Variants in C10orf90 observed in about 807,000 individuals in gnomAD.
C10orf90 encodes (E2-independent) E3 ubiquitin-conjugating enzyme FATS.
C10orf90 carries 56 observed loss-of-function variants against 62.5 expected under a neutral mutation model. The observed-to-expected ratio is 0.90, with a 90% CI of 0.72 to 1.12. The LOEUF is 1.12. Ranked by LOEUF, C10orf90 falls within the 50% of genes most tolerant of loss-of-function variation. The pLI is 0.00. For synonymous variants in C10orf90, 386 were observed against 340.4 expected (o/e 1.13, Z -1.47); for missense variants, 970 against 880.4 (o/e 1.10, Z -1.29).
intron 2 of C10orf90, among the ~76,000 whole-genome samples, chr10:126,571,155 A>G (rs139627759): frequency 0.022 from 3,420 of 152,366 alleles, 55 homozygotes; most frequent in African/African-American, 0.045. Flanking sequence ...AGATGCAGCC[A>G]GTGAGAGCAA....
chr10:126,561,532 G>A (rs897913801), intron 2 of C10orf90, among the ~76,000 whole-genome samples: 1 of 152,124 alleles, frequency 6.6e-6, no homozygotes, highest in African/African-American at 2.4e-5. Flanking sequence ...TCCCAGAATC[G>A]GGTTGGAGGA....
intron 2 of C10orf90, among the ~76,000 whole-genome samples, chr10:126,529,966 C>A (rs917228638): frequency 2.0e-5 from 3 of 152,094 alleles, no homozygotes; most frequent in South Asian, 4.1e-4. Context: ...AATACATATT[C>A]TGGTTTCAGA....
At chr10:126,583,981 A>T (rs543226628) in intron 2 of C10orf90, among the ~76,000 whole-genome samples, 1 of 152,066 alleles carries the variant, frequency 6.6e-6, no homozygotes, top group Non-Finnish European at 1.5e-5. Flanking sequence ...TTAGCAGGGC[A>T]TGGTGACTCA....
chr10:126,543,738 T>C (rs1163023262), intron 2 of C10orf90, among the ~76,000 whole-genome samples: 3 of 152,236 alleles, frequency 2.0e-5, no homozygotes, highest in Non-Finnish European at 4.4e-5. Context: ...GTGTTTGTTC[T>C]CTGGAAAATA....
At chr10:126,595,183 A>G (rs1177684655) in intron 2 of C10orf90, among the ~76,000 whole-genome samples, 1 of 152,154 alleles carries the variant, frequency 6.6e-6, no homozygotes, top group Non-Finnish European at 1.5e-5. Context: ...CTTAACAGTT[A>G]TTAGCTAGTT....
chr10:126,537,876 T>C (rs1165969550), intron 2 of C10orf90, among the ~76,000 whole-genome samples: 3 of 152,212 alleles, frequency 2.0e-5, no homozygotes, highest in Non-Finnish European at 2.9e-5. Context: ...AAGAGGATTG[T>C]TGCAGGGGTA....
intron 2 of C10orf90, among the ~76,000 whole-genome samples, chr10:126,516,151 G>A (rs765083880): frequency 3.3e-5 from 5 of 152,208 alleles, no homozygotes; most frequent in Non-Finnish European, 5.9e-5. Context: ...GACCTACAGT[G>A]GATGGGCTGT....
intron 2 of C10orf90, among the ~76,000 whole-genome samples, chr10:126,563,117 T>G (rs564941222): frequency 1.3e-5 from 2 of 152,178 alleles, no homozygotes; most frequent in African/African-American, 2.4e-5. Flanking sequence ...GGGGCAAAAT[T>G]CCCCACCCGC....
intron 2 of C10orf90, among the ~76,000 whole-genome samples, chr10:126,547,228 G>T (rs1270202319): frequency 6.6e-6 from 1 of 151,966 alleles, no homozygotes; most frequent in South Asian, 2.1e-4. Flanking sequence ...GACCATCCTG[G>T]CTAACGCGGT....
At chr10:126,670,194 C>T (rs1192459348) in intron 1 of C10orf90, 47 bp downstream of exon 1, 6 of 449,318 alleles carry the variant, frequency 1.3e-5, no homozygotes, top group African/African-American at 8.0e-5. Context: ...GTCCATCTCT[C>T]TCTGAGTCAA....
rs548377937 is a variant in C10orf90, at chr10:126,431,114, C to A, written c.2189-1264G>T. Among the ~76,000 whole-genome samples, 293 of 152,320 alleles carry A rather than the reference C, an allele frequency of 1.9e-3. 2 individuals carry two copies. Among genetic ancestry groups the A allele is most frequent in the Middle Eastern group, 6.8e-3 (2 of 294 alleles). ...GAAAAAGAAATTGGAATATTTCCAACTAAGTGGCTGTATTGACAACTGACC... is the reference window on the plus strand; with the variant it reads ...GAAAAAGAAATTGGAATATTTCCAAATAAGTGGCTGTATTGACAACTGACC... On this transcript the variant is annotated intron_variant, in intron 7 of 9. Transcript: ENST00000488181.
intron 4 of C10orf90, among the ~76,000 whole-genome samples, chr10:126,484,766 C>A (rs1441126577): frequency 6.6e-6 from 1 of 152,058 alleles, no homozygotes; most frequent in Non-Finnish European, 1.5e-5. Context: ...TTTACACATA[C>A]AGATATTAAG....
chr10:126,431,294 C>T (rs1252615329), intron 7 of C10orf90, among the ~76,000 whole-genome samples: 1 of 152,090 alleles, frequency 6.6e-6, no homozygotes, highest in Non-Finnish European at 1.5e-5. Flanking sequence ...GGTCACTCCT[C>T]TCATAGAAAA....
chr10:126,635,619 C>G (rs774169002), intron 2 of C10orf90, among the ~76,000 whole-genome samples: 10 of 152,184 alleles, frequency 6.6e-5, no homozygotes, highest in Non-Finnish European at 1.0e-4. Context: ...AGAAAGCAAT[C>G]AGTGTCACTC....
At chr10:126,632,084 G>A (rs758591495) in intron 2 of C10orf90, among the ~76,000 whole-genome samples, 2 of 152,086 alleles carry the variant, frequency 1.3e-5, no homozygotes, top group Admixed American at 6.5e-5. Context: ...GAATGACCTC[G>A]AAGAGACACC....
chr10:126,500,437 A>G (rs1862310851), intron 4 of C10orf90, among the ~76,000 whole-genome samples: 1 of 152,230 alleles, frequency 6.6e-6, no homozygotes, highest in Non-Finnish European at 1.5e-5. Context: ...TGGTTGAATG[A>G]TTCAAAATAA....
At chr10:126,459,353 C>A in intron 6 of C10orf90, 136 bp from the exon 7 acceptor site, 2 of 940,364 alleles carry the variant, frequency 2.1e-6, no homozygotes, top group South Asian at 2.9e-5. Flanking sequence ...AAGTACGTCA[C>A]GCTTTTCTTG....
chr10:126,569,340 C>A (rs116813406), intron 2 of C10orf90, among the ~76,000 whole-genome samples: 2 of 152,154 alleles, frequency 1.3e-5, no homozygotes, highest in African/African-American at 4.8e-5. Flanking sequence ...TATTGCAGCA[C>A]AGATCCTTAC....
intron 4 of C10orf90, among the ~76,000 whole-genome samples, chr10:126,470,539 G>A (rs943349952): frequency 6.6e-6 from 1 of 152,026 alleles, no homozygotes; most frequent in Admixed American, 6.6e-5. Flanking sequence ...AGCCCAGCCT[G>A]GGCAATATAG....
Sources: gnomAD v4.1 joint callset for allele counts (sites outside exome capture counted in the v4.1 genomes callset) on GRCh38, gnomAD v4.1.1 for gene constraint, MANE v1.5 for transcripts, NCBI Gene and HGNC (gene_info 2026-07-23, HGNC 2026-07-21) for gene names.